The following LRRFIP1 variants were observed in gnomAD, a reference collection of about 807,000 sequenced individuals.
LRRFIP1 encodes the protein leucine-rich repeat flightless-interacting protein 1.
LRRFIP1 carries 62 observed loss-of-function variants against 104.4 expected under a neutral mutation model. The ratio of observed to expected loss-of-function variants is 0.59; its 90% CI spans 0.48 to 0.73. LRRFIP1 has a LOEUF of 0.73. Among genes scored for constraint, LRRFIP1 ranks in the 30% least tolerant of loss-of-function variants. LRRFIP1 has a pLI of 0.00. For synonymous variants in LRRFIP1, 300 were observed against 299.0 expected (o/e 1.00, Z -0.03); for missense variants, 796 against 824.5 (o/e 0.97, Z 0.42).
At position 237,752,979 on chromosome 2, in the gene LRRFIP1, C is replaced by T. The variant is rs892565; in HGVS notation, c.868-330C>T. The stretch of plus-strand genomic sequence containing the variant: ...AGCCTGACACCCAGCCCTAGGACGC[C>T]GTGCTGGGGGGATTCCCCAGCTACT... On this transcript the variant is annotated intron_variant, in intron 14 of 23. Coordinates refer to ENST00000308482, the MANE Select transcript of LRRFIP1 (RefSeq NM_001137550.2). Among the ~76,000 whole-genome samples the T allele has an allele frequency of 0.013, 2,048 of 152,322 alleles. 115 individuals are homozygous for T. In the East Asian group the frequency reaches 0.15, roughly 11 times the overall value.
In LRRFIP1 at chr2:237,711,205, T is replaced by C. The variant is rs1001211344; in HGVS notation, c.183+2575T>C. On this transcript the variant is annotated intron_variant, in intron 2 of 23. Coordinates refer to ENST00000308482, the MANE Select transcript of LRRFIP1 (RefSeq NM_001137550.2). This position sits in a 1 kb window ranked among gnomAD's most constrained non-coding sequence, Gnocchi z 4.4. ...TGATGCTTCTGATGAGCACAGGCCT[T>C]GCGGAGAACATCTGATGAAATCGGG... Among the ~76,000 whole-genome samples, 8 of 152,324 alleles carry C rather than the reference T, an allele frequency of 5.3e-5. No individual in the cohort carries two copies. The East Asian group carries it at 1.2e-3, about 22-fold the overall frequency.
At chr2:237,702,576 C>T (rs902484079) in intron 1 of LRRFIP1, among the ~76,000 whole-genome samples, 2 of 152,210 alleles carry the variant, frequency 1.3e-5, no homozygotes, top group African/African-American at 4.8e-5. Context: ...GTGGGGGCAG[C>T]GCTGCAAAAC....
At chr2:237,768,983 AGTGTTCCC>A (rs1394996482) in intron 19 of LRRFIP1, 1 of 152,122 alleles carries the variant, frequency 6.6e-6, no homozygotes, top group Non-Finnish European at 1.5e-5. Context: ...TGTTTAGGGG[AGTGTTCCC>A]GTGGCTGGGC....
chr2:237,702,094 G>C (rs2093567622), intron 1 of LRRFIP1, among the ~76,000 whole-genome samples: 1 of 152,176 alleles, frequency 6.6e-6, no homozygotes. Context: ...GAGCCTGGCT[G>C]TCTTTTTAGC....
chr2:237,727,776 A>G (rs1363648664), intron 7 of LRRFIP1, 100 bp from the exon 8 acceptor site: 1 of 817,480 alleles, frequency 1.2e-6, no homozygotes, highest in African/African-American at 1.7e-5. Flanking sequence ...GCTCCACAAG[A>G]AAGGTCACCT....
chr2:237,761,442 G>A (rs547009334), intron 19 of LRRFIP1, among the ~76,000 whole-genome samples: 5 of 152,230 alleles, frequency 3.3e-5, no homozygotes, highest in African/African-American at 9.6e-5. Context: ...TGAGCTACCC[G>A]AACAGCTAGG....
At chr2:237,681,328 T>C (rs1206066351) in intron 1 of LRRFIP1, among the ~76,000 whole-genome samples, 1 of 152,240 alleles carries the variant, frequency 6.6e-6, no homozygotes, top group African/African-American at 2.4e-5. Context: ...CTGCATGTCC[T>C]TCTGGTCTTT....
intron 1 of LRRFIP1, among the ~76,000 whole-genome samples, chr2:237,696,862 C>A (rs918883095): frequency 2.0e-5 from 3 of 152,216 alleles, no homozygotes; most frequent in African/African-American, 7.2e-5. Context: ...TGTCTCATAC[C>A]CCAGTATTGG....
rs1172576547 is a variant in LRRFIP1 at position 237,681,678 on chromosome 2, C to CTTTTTTTTTT, written c.97-26856_97-26847dup. Among the ~76,000 whole-genome samples, 17 of 44,898 alleles carry CTTTTTTTTTT rather than the reference C, an allele frequency of 3.8e-4. 5 individuals carry two copies. Among genetic ancestry groups the CTTTTTTTTTT allele is most frequent in the South Asian group, 8.1e-4 (1 of 1,242 alleles). 29.5% of individuals were successfully genotyped at this position (44,898 alleles called of 152,430 possible). ...CACCGTGCCCGGCCGCAGTCCTATT[C>CTTTTTTTTTT]TTTTTTTTTTTTTTTTTTTGAGACG... On this transcript the variant is annotated intron_variant, in intron 1 of 23. Coordinates refer to ENST00000308482, the MANE Select transcript of LRRFIP1 (RefSeq NM_001137550.2).
chr2:237,678,071 G>T (rs1049465255), intron 1 of LRRFIP1, among the ~76,000 whole-genome samples: 2 of 152,150 alleles, frequency 1.3e-5, no homozygotes, highest in Non-Finnish European at 2.9e-5. Context: ...CCAAAAAGGA[G>T]AAGTTCATGA....
At position 237,672,323 on chromosome 2, in the gene LRRFIP1, G is replaced by A. The variant is rs553448276; in HGVS notation, c.97-36221G>A. 4.6e-5 allele frequency among the ~76,000 whole-genome samples: 7 copies of A among 152,236 alleles called. No individual in the cohort carries two copies. In the East Asian group the frequency reaches 9.6e-4, roughly 21 times the overall value. Reference sequence around the variant, plus strand: ...TCATGGTTTCTAGAATTCCTTGAGCGCACACAGCAAGCTAGCTCTACAATC... The same window carrying A: ...TCATGGTTTCTAGAATTCCTTGAGCACACACAGCAAGCTAGCTCTACAATC... On this transcript the variant is annotated intron_variant, in intron 1 of 23. Coordinates refer to ENST00000308482, the MANE Select transcript of LRRFIP1 (RefSeq NM_001137550.2).
chr2:237,708,559 G>T lies in LRRFIP1; in HGVS notation c.112G>T (p.Ala38Ser). 1.9e-6 allele frequency: 3 copies of T among 1,582,296 alleles called. No homozygotes were observed. The highest frequency in any genetic ancestry group is 2.3e-5 in the South Asian group (2 of 86,014). ...TCCGTTTCAGGCGGAAGCCCGGCTCGCTGCAAAACGGGCGGCCCGCGCGGA... is the reference window on the plus strand; with the variant it reads ...TCCGTTTCAGGCGGAAGCCCGGCTCTCTGCAAAACGGGCGGCCCGCGCGGA... ...QIAREAEARL[A>S]AKRAARAEAR... Residue 38 changes from alanine to serine, a missense_variant, in exon 2 of 24, where the codon GCT becomes TCT. Ala to Ser is a moderately conservative substitution (Grantham distance 99). Transcript: ENST00000308482.
intron 1 of LRRFIP1, among the ~76,000 whole-genome samples, chr2:237,694,308 A>G (rs1037550051): frequency 1.4e-4 from 22 of 152,198 alleles, no homozygotes; most frequent in Non-Finnish European, 3.1e-4. Flanking sequence ...GGGTTTTCAG[A>G]GAGAAGTTGT....
chr2:237,669,477 A>G (rs1043419758), intron 1 of LRRFIP1, among the ~76,000 whole-genome samples: 5 of 152,056 alleles, frequency 3.3e-5, no homozygotes, highest in Non-Finnish European at 7.4e-5. Context: ...GAGTGTTGAT[A>G]TTTTCTTGCT....
chr2:237,691,375 G>T lies in LRRFIP1; in HGVS notation c.97-17169G>T, dbSNP rs78731392. On this transcript the variant is annotated intron_variant, in intron 1 of 23. Transcript: ENST00000308482. This position sits in a 1 kb window ranked among gnomAD's most constrained non-coding sequence, Gnocchi z 5.4. ...GGAGACCGGCGCCTGGCAGGGGGTC[G>T]TCGCGGCCGCAGCCTGGACGGTGTG... 2.6e-5 allele frequency among the ~76,000 whole-genome samples: 4 copies of T among 152,240 alleles called. No homozygotes were observed. The East Asian group carries it at 5.8e-4, about 22-fold the overall frequency.
chr2:237,749,183 C>G lies in LRRFIP1; in HGVS notation c.670-16C>G. The G allele has an allele frequency of 6.2e-7, 1 of 1,611,062 alleles. No individual in the cohort carries two copies. The highest frequency in any genetic ancestry group is 8.5e-7 in the Non-Finnish European group (1 of 1,179,266). On this transcript the variant is annotated splice_polypyrimidine_tract_variant and intron_variant, in intron 12 of 23. Transcript: ENST00000308482. ...GAGCTAAACCATATCAGCATGTGAT[C>G]CTCTCAACGTTCCAGGGGTCTCGTA...
intron 1 of LRRFIP1, among the ~76,000 whole-genome samples, chr2:237,672,925 T>C (rs1241316777): frequency 1.3e-5 from 2 of 152,252 alleles, no homozygotes; most frequent in East Asian, 1.9e-4. Context: ...GCGTCTTATA[T>C]AGATGGTTGC....
chr2:237,772,801 A>T, intron 21 of LRRFIP1, 65 bp from the exon 22 acceptor site: 1 of 1,077,868 alleles, frequency 9.3e-7, no homozygotes, highest in African/African-American at 1.6e-5. Context: ...GTTCCCAGTA[A>T]CTATTGTTTT....
chr2:237,717,358 C>G lies in LRRFIP1; in HGVS notation c.202-404C>G, dbSNP rs767341703. Among the ~76,000 whole-genome samples the G allele has an allele frequency of 6.6e-6, 1 of 152,248 alleles. No homozygotes were observed. Among genetic ancestry groups the G allele is most frequent in the Non-Finnish European group, 1.5e-5 (1 of 68,040 alleles). On this transcript the variant is annotated intron_variant, in intron 3 of 23. Transcript: ENST00000308482. The surrounding 1 kb of genome is among the most constrained non-coding windows in gnomAD (Gnocchi z 4.2). ...CTGAGGTCCCAACACCGGAATGGCT[C>G]TGAGCTTCTGCTTCTCTTCGATGGT...
Sources: allele counts gnomAD v4.1 joint callset (sites outside exome capture counted in the v4.1 genomes callset), GRCh38; gene constraint gnomAD v4.1.1; non-coding constraint Gnocchi (gnomAD v3.1); transcripts MANE v1.5; gene names NCBI Gene and HGNC (gene_info 2026-07-23, HGNC 2026-07-21).